The following TMEM71 variants were observed in gnomAD, a reference collection of about 807,000 sequenced individuals.
TMEM71 encodes the protein transmembrane protein 71.
Under a neutral mutation model 38.0 loss-of-function variants are expected in TMEM71, and 44 were observed. The observed-to-expected ratio is 1.16, with a 90% CI of 0.91 to 1.49. The LOEUF is 1.49. Ranked by LOEUF, TMEM71 falls within the 40% of genes most tolerant of loss-of-function variation. The pLI, the probability that TMEM71 is intolerant of heterozygous loss-of-function variation, is 0.00. For missense variants in TMEM71, 367 were observed against 348.6 expected, an observed-to-expected ratio of 1.05 and a Z score of -0.42; for synonymous variants, 133 against 122.5, an observed-to-expected ratio of 1.09 and a Z score of -0.56.
downstream of TMEM71, among the ~76,000 whole-genome samples, chr8:132,708,796 G>A (rs1402753085): frequency 1.3e-5 from 2 of 152,202 alleles, no homozygotes; most frequent in African/African-American, 2.4e-5. Flanking sequence ...AAGGAGGCAA[G>A]ATGTCTAAAG....
chr8:132,737,266 TC>T (rs1472394667), intron 5 of TMEM71, among the ~76,000 whole-genome samples: 1 of 152,186 alleles, frequency 6.6e-6, no homozygotes, highest in Non-Finnish European at 1.5e-5. Context: ...GGATTATATC[TC>T]AATTAAAAAG....
At chr8:132,712,519 C>A (rs866411526) in intron 9 of TMEM71, among the ~76,000 whole-genome samples, 7 of 152,232 alleles carry the variant, frequency 4.6e-5, no homozygotes, top group South Asian at 4.1e-4. Flanking sequence ...TTGTGCTCCC[C>A]CTGGCTCCTG....
intron 3 of TMEM71, among the ~76,000 whole-genome samples, chr8:132,753,584 A>T (rs1000432211): frequency 6.6e-6 from 1 of 151,966 alleles, no homozygotes; most frequent in African/African-American, 2.4e-5. Flanking sequence ...AGGACCCCAC[A>T]CTTACTAAGC....
intron 4 of TMEM71, among the ~76,000 whole-genome samples, chr8:132,749,351 G>C (rs1828564023): frequency 6.6e-6 from 1 of 152,164 alleles, no homozygotes; most frequent in South Asian, 2.1e-4. Flanking sequence ...AGATTCATTT[G>C]GTCTTCACAT....
chr8:132,721,889 T>C (rs1258360341), intron 7 of TMEM71, 151 bp downstream of exon 7: 6 of 733,612 alleles, frequency 8.2e-6, no homozygotes, highest in East Asian at 8.0e-5. Context: ...CAATGAGAGA[T>C]AAAGGGAAAC....
At chr8:132,729,225 T>C (rs1827319490) in intron 5 of TMEM71, among the ~76,000 whole-genome samples, 1 of 152,174 alleles carries the variant, frequency 6.6e-6, no homozygotes, top group Non-Finnish European at 1.5e-5. Flanking sequence ...GATTAGGGGA[T>C]CCAAAACTCT....
downstream of TMEM71, among the ~76,000 whole-genome samples, chr8:132,707,221 A>G (rs1826106936): frequency 6.6e-6 from 1 of 152,206 alleles, no homozygotes; most frequent in South Asian, 2.1e-4. Context: ...CGTAATTGGT[A>G]ATAAAAACTA....
intron 1 of TMEM71, chr8:132,759,305 T>A (rs1235746824): frequency 6.4e-6 from 1 of 157,438 alleles, no homozygotes; most frequent in African/African-American, 2.4e-5. Context: ...TACGTGTATT[T>A]TAATCATCTG....
At chr8:132,736,130 A>T (rs1381458844) in intron 5 of TMEM71, among the ~76,000 whole-genome samples, 1 of 152,194 alleles carries the variant, frequency 6.6e-6, no homozygotes, top group Non-Finnish European at 1.5e-5. Flanking sequence ...GAAGGATTGT[A>T]AGGGAATTGG....
intron 6 of TMEM71, 67 bp downstream of exon 6, chr8:132,727,731 G>C (rs1451967558): frequency 7.1e-7 from 1 of 1,411,214 alleles, no homozygotes; most frequent in African/African-American, 1.4e-5. Flanking sequence ...TCATCTCCAA[G>C]TCATTCTCAG....
At chr8:132,767,940 C>T in the TMEM71 span, among the ~76,000 whole-genome samples, 2 of 152,108 alleles carry the variant, frequency 1.3e-5, no homozygotes, top group Non-Finnish European at 2.9e-5. Flanking sequence ...GTTGTGATGA[C>T]ATTGCGAGAT....
At chr8:132,764,099 C>G (rs1829334712), upstream of TMEM71, among the ~76,000 whole-genome samples, 1 of 152,168 alleles carries the variant, frequency 6.6e-6, no homozygotes, top group African/African-American at 2.4e-5. Flanking sequence ...TGCGACTCCT[C>G]TCCATGTAGC....
chr8:132,718,507 C>T (rs969673131), intron 7 of TMEM71, among the ~76,000 whole-genome samples: 2 of 151,278 alleles, frequency 1.3e-5, no homozygotes, highest in Non-Finnish European at 2.9e-5. Context: ...ACACCATTCT[C>T]CTGCCTCAGC....
upstream of TMEM71, among the ~76,000 whole-genome samples, chr8:132,765,054 T>C (rs982264940): frequency 1.3e-5 from 2 of 152,210 alleles, no homozygotes; most frequent in Admixed American, 6.5e-5. Context: ...ATCATAACAG[T>C]TATGCCACAG....
chr8:132,754,756 A>G (rs990545536), intron 3 of TMEM71, among the ~76,000 whole-genome samples: 5 of 152,182 alleles, frequency 3.3e-5, no homozygotes, highest in Non-Finnish European at 5.9e-5. Flanking sequence ...CATTTACATG[A>G]TGTCATACAA....
upstream of TMEM71, among the ~76,000 whole-genome samples, chr8:132,765,246 G>C (rs1032928751): frequency 6.6e-6 from 1 of 152,182 alleles, no homozygotes; most frequent in Non-Finnish European, 1.5e-5. Flanking sequence ...GATGAAAGTG[G>C]AGCTGAAGCT....
At chr8:132,732,328 G>A (rs1827503646) in intron 5 of TMEM71, among the ~76,000 whole-genome samples, 1 of 152,182 alleles carries the variant, frequency 6.6e-6, no homozygotes, top group Non-Finnish European at 1.5e-5. Context: ...ACAGCAGGAA[G>A]AGGACAGGCC....
At chr8:132,752,045 A>C in intron 3 of TMEM71, 48 bp from the exon 4 acceptor site, 2 of 1,481,326 alleles carry the variant, frequency 1.4e-6, no homozygotes, top group Non-Finnish European at 1.9e-6. Flanking sequence ...CAGTACATCC[A>C]GTCCCAAATA....
intron 5 of TMEM71, among the ~76,000 whole-genome samples, chr8:132,731,797 G>A (rs1462054303): frequency 6.6e-6 from 1 of 152,200 alleles, no homozygotes; most frequent in Non-Finnish European, 1.5e-5. Flanking sequence ...GAACAAGCAG[G>A]GGAATCTGAA....
Sources: allele counts gnomAD v4.1 joint callset (sites outside exome capture counted in the v4.1 genomes callset), GRCh38; gene constraint gnomAD v4.1.1; transcripts MANE v1.5; gene names NCBI Gene and HGNC (gene_info 2026-07-23, HGNC 2026-07-21).